Variants in TBC1D4 observed in about 807,000 individuals in gnomAD.
The protein encoded by TBC1D4 is TBC (Tre-2, BUB2, CDC16) domain-containing protein.
In TBC1D4, 121 loss-of-function variants were observed where a neutral mutation model predicts 142.5. The ratio of observed to expected loss-of-function variants is 0.85; its 90% CI spans 0.73 to 0.99. TBC1D4 has a LOEUF of 0.99. Ranked by LOEUF, TBC1D4 falls within the 50% of genes least tolerant of loss-of-function variation. The pLI is 0.00. For synonymous variants in TBC1D4, 630 were observed against 628.2 expected, an observed-to-expected ratio of 1.00 and a Z score of -0.04; for missense variants, 1,475 against 1,606.6, an observed-to-expected ratio of 0.92 and a Z score of 1.40.
chr13:75,313,969 C>T lies in TBC1D4; in HGVS notation c.2223-1071G>A, dbSNP rs573240019. On this transcript the variant is annotated intron_variant, in intron 12 of 20. Coordinates refer to ENST00000377636, the MANE Select transcript of TBC1D4 (RefSeq NM_014832.5). Reference sequence around the variant, plus strand: ...AATTAATTGATTCTAGAATCACCTCCCTCAATTTTTGGGGGACAGGGAGTA... The same window carrying T: ...AATTAATTGATTCTAGAATCACCTCTCTCAATTTTTGGGGGACAGGGAGTA... Among the ~76,000 whole-genome samples the T allele has an allele frequency of 2.6e-5, 4 of 152,274 alleles. No individual in the cohort carries two copies. The South Asian group carries it at 8.3e-4, about 32-fold the overall frequency.
At chr13:75,480,432 C>T (rs1017296410) in intron 1 of TBC1D4, among the ~76,000 whole-genome samples, 3 of 152,050 alleles carry the variant, frequency 2.0e-5, no homozygotes, top group Non-Finnish European at 2.9e-5. Flanking sequence ...ACAATCACTG[C>T]ATAGTCAAGT....
At chr13:75,324,536 ATG>A in intron 10 of TBC1D4, 135 bp from the exon 11 acceptor site, 3 of 1,033,456 alleles carry the variant, frequency 2.9e-6, no homozygotes, top group Admixed American at 2.5e-5. Context: ...TGGATCTTAC[ATG>A]AAAAAAAAAG....
intron 4 of TBC1D4, among the ~76,000 whole-genome samples, chr13:75,354,007 T>C (rs1881830811): frequency 2.0e-5 from 3 of 152,140 alleles, no homozygotes. Context: ...CTCAAGTCCT[T>C]AGGTCCCAGG....
intron 1 of TBC1D4, among the ~76,000 whole-genome samples, chr13:75,402,537 T>G (rs1885144026): frequency 6.6e-6 from 1 of 152,178 alleles, no homozygotes; most frequent in Non-Finnish European, 1.5e-5. Context: ...TTGAGCAATC[T>G]GAAACATTCT....
chr13:75,291,496 G>C (rs928107656), intron 19 of TBC1D4, among the ~76,000 whole-genome samples: 5 of 152,122 alleles, frequency 3.3e-5, no homozygotes, highest in African/African-American at 1.2e-4. Context: ...CTTTATAGAT[G>C]GTTCCTTCAT....
chr13:75,384,217 CTT>C (rs1884037498), intron 1 of TBC1D4, among the ~76,000 whole-genome samples: 3 of 152,184 alleles, frequency 2.0e-5, no homozygotes, highest in African/African-American at 7.2e-5. Flanking sequence ...GGGCAGATCG[CTT>C]GAGATCAGGA....
intron 11 of TBC1D4, among the ~76,000 whole-genome samples, 184 bp downstream of exon 11, chr13:75,324,053 G>T (rs532292811): frequency 6.6e-6 from 1 of 152,188 alleles, no homozygotes; most frequent in South Asian, 2.1e-4. Flanking sequence ...TGAAACTACT[G>T]GTTGAAAAAG....
chr13:75,398,425 C>T (rs1037119603), intron 1 of TBC1D4, among the ~76,000 whole-genome samples: 6 of 152,114 alleles, frequency 3.9e-5, no homozygotes, highest in Non-Finnish European at 8.8e-5. Context: ...AGTGAGGAAA[C>T]GGCTACTGAA....
intron 17 of TBC1D4, among the ~76,000 whole-genome samples, chr13:75,296,034 C>T (rs570684030): frequency 6.6e-6 from 1 of 152,106 alleles, no homozygotes; most frequent in South Asian, 2.1e-4. Flanking sequence ...TCAACAGACT[C>T]CTTTGGAAAA....
intron 1 of TBC1D4, among the ~76,000 whole-genome samples, chr13:75,423,551 T>C (rs927164499): frequency 3.3e-5 from 5 of 151,974 alleles, no homozygotes; most frequent in Admixed American, 6.6e-5. Context: ...TTAGAAGAGA[T>C]TCAATAAAAA....
chr13:75,365,647 T>C (rs1377727797), intron 1 of TBC1D4, among the ~76,000 whole-genome samples: 1 of 152,242 alleles, frequency 6.6e-6, no homozygotes, highest in Non-Finnish European at 1.5e-5. Context: ...TATACATACA[T>C]TTACAAATAT....
chr13:75,473,516 T>G (rs534848210), intron 1 of TBC1D4, among the ~76,000 whole-genome samples: 3 of 152,350 alleles, frequency 2.0e-5, no homozygotes, highest in South Asian at 4.1e-4. Flanking sequence ...AGAGAATTTT[T>G]AAAATTTGTG....
At chr13:75,369,497 T>TCTCA (rs111622568) in intron 1 of TBC1D4, among the ~76,000 whole-genome samples, 74 of 150,652 alleles carry the variant, frequency 4.9e-4, no homozygotes, top group Non-Finnish European at 6.5e-4. Context: ...AGACCCTGTC[T>TCTCA]CACACACACA....
chr13:75,446,767 C>T (rs539363966), intron 1 of TBC1D4, among the ~76,000 whole-genome samples: 5 of 152,212 alleles, frequency 3.3e-5, no homozygotes, highest in African/African-American at 1.2e-4. Context: ...TCAATAAAAG[C>T]AGATTTTAGA....
chr13:75,354,773 A>C (rs550946914), intron 4 of TBC1D4, among the ~76,000 whole-genome samples: 5 of 152,176 alleles, frequency 3.3e-5, no homozygotes, highest in African/African-American at 1.2e-4. Context: ...GGCATTTTCT[A>C]GTGTTAGGTC....
intron 1 of TBC1D4, among the ~76,000 whole-genome samples, chr13:75,429,784 CA>C (rs1886522643): frequency 1.3e-5 from 2 of 151,444 alleles, no homozygotes; most frequent in South Asian, 4.2e-4. Context: ...AAAATTGGAC[CA>C]AAAAAGAAAA....
chr13:75,373,949 T>C (rs893071464), intron 1 of TBC1D4, among the ~76,000 whole-genome samples: 2 of 152,192 alleles, frequency 1.3e-5, no homozygotes, highest in African/African-American at 4.8e-5. Flanking sequence ...TTTCTTTTCA[T>C]CTTTGATTGC....
chr13:75,381,466 T>C (rs1236323157), intron 1 of TBC1D4, among the ~76,000 whole-genome samples: 1 of 152,244 alleles, frequency 6.6e-6, no homozygotes, highest in Non-Finnish European at 1.5e-5. Context: ...GATTTAAATT[T>C]CTTGTGTATG....
intron 1 of TBC1D4, among the ~76,000 whole-genome samples, chr13:75,371,168 A>G (rs1323378964): frequency 1.3e-5 from 2 of 152,260 alleles, no homozygotes; most frequent in African/African-American, 4.8e-5. Context: ...TAGGTTCAAA[A>G]GAAATTTCAA....
Sources: allele counts gnomAD v4.1 joint callset (sites outside exome capture counted in the v4.1 genomes callset), GRCh38; gene constraint gnomAD v4.1.1; transcripts MANE v1.5; gene names NCBI Gene and HGNC (gene_info 2026-07-23, HGNC 2026-07-21).